The following MVB12B variants were observed in gnomAD, a reference collection of about 807,000 sequenced individuals.
MVB12B encodes multivesicular body subunit 12B, also known as ESCRT-I complex subunit MVB12B.
In MVB12B, 16 loss-of-function variants were observed where a neutral mutation model predicts 41.6. That is an observed-to-expected ratio of 0.38 (90% CI 0.26 to 0.58). The LOEUF (loss-of-function observed/expected upper bound fraction) is 0.58. Ranked by LOEUF, MVB12B falls within the 20% of genes least tolerant of loss-of-function variation. MVB12B has a pLI of 0.62. For missense variants in MVB12B, 274 were observed against 380.2 expected (o/e 0.72, Z 2.32); for synonymous variants, 133 against 139.7 (o/e 0.95, Z 0.34).
intron 7 of MVB12B, among the ~76,000 whole-genome samples, chr9:126,465,417 A>G (rs368898216): frequency 1.9e-4 from 29 of 151,916 alleles, no homozygotes; most frequent in African/African-American, 6.3e-4. Flanking sequence ...GGCAGCAACA[A>G]TCTTTTCAAA....
chr9:126,371,064 T>G (rs1009627753), intron 2 of MVB12B, among the ~76,000 whole-genome samples: 1 of 152,204 alleles, frequency 6.6e-6, no homozygotes, highest in Non-Finnish European at 1.5e-5. Flanking sequence ...CGATCAGGTG[T>G]CTGGGTACTA....
At chr9:126,396,038 A>G in intron 6 of MVB12B, 1 of 1,056,490 alleles carries the variant, frequency 9.5e-7, no homozygotes, top group Non-Finnish European at 1.1e-6. Flanking sequence ...CTTAAGGTCA[A>G]ATTCCTTCTC....
In MVB12B at chr9:126,355,989, T is replaced by A. The variant is rs529271866; in HGVS notation, c.204+15359T>A. 3.3e-5 allele frequency among the ~76,000 whole-genome samples: 5 copies of A among 152,212 alleles called. No individual in the cohort carries two copies. In the East Asian group the frequency reaches 9.6e-4, roughly 29 times the overall value. On this transcript the variant is annotated intron_variant, in intron 2 of 9. Transcript: ENST00000361171. ...CTGGCAACCACCAATCTGTGTTCTG[T>A]TGCTATGGGTTTGCCTATTCTGGAT...
chr9:126,362,429 T>C lies in MVB12B; in HGVS notation c.205-18635T>C, dbSNP rs556097834. On this transcript the variant is annotated intron_variant, in intron 2 of 9. Transcript: ENST00000361171. ...ATAGTAAAATAAAATAATATAAAGA[T>C]AAGGAAAATTTATTTGGGAAAAGGA... Among the ~76,000 whole-genome samples the C allele has an allele frequency of 5.9e-5, 9 of 152,144 alleles. No individual in the cohort carries two copies. In the East Asian group the frequency reaches 1.7e-3, roughly 29 times the overall value.
intron 9 of MVB12B, among the ~76,000 whole-genome samples, chr9:126,502,368 C>T (rs1211602376): frequency 6.6e-6 from 1 of 152,146 alleles, no homozygotes; most frequent in African/African-American, 2.4e-5. Flanking sequence ...AAGTGAACTA[C>T]AGGTGCTCCT....
chr9:126,460,178 ACCT>A (rs1335795871), intron 7 of MVB12B, among the ~76,000 whole-genome samples: 1 of 151,808 alleles, frequency 6.6e-6, no homozygotes, highest in Non-Finnish European at 1.5e-5. Flanking sequence ...TTCTGCTCAG[ACCT>A]CCTCGGCAGG....
rs899082482 is a variant in MVB12B at position 126,348,984 on chromosome 9, T to G, written c.204+8354T>G. Among the ~76,000 whole-genome samples, 8 of 152,210 alleles carry G rather than the reference T, an allele frequency of 5.3e-5. No homozygotes were observed. In the East Asian group the frequency reaches 1.4e-3, roughly 26 times the overall value. ...GAGGAGAGGATTGCCACTGGAAAGA[T>G]TATTACTCGCAGTTCCCAAGAGGAG... On this transcript the variant is annotated intron_variant, in intron 2 of 9. Transcript: ENST00000361171.
chr9:126,421,726 C>A, intron 6 of MVB12B, 128 bp from the exon 7 acceptor site: 1 of 707,424 alleles, frequency 1.4e-6, no homozygotes, highest in Non-Finnish European at 2.6e-6. Context: ...GAGAAGGAGG[C>A]GCTGGCCAGA....
intron 9 of MVB12B, among the ~76,000 whole-genome samples, chr9:126,488,551 A>C (rs10760439): frequency 0.4 from 61,282 of 151,768 alleles, 13,157 homozygotes; most frequent in East Asian, 0.7. Context: ...CCTCTGCACC[A>C]CGTGGGAGGA....
intron 6 of MVB12B, among the ~76,000 whole-genome samples, chr9:126,409,136 A>G (rs1831544136): frequency 6.6e-6 from 1 of 151,918 alleles, no homozygotes; most frequent in African/African-American, 2.4e-5. Flanking sequence ...TCAGTAATGC[A>G]TTTTGAACCC....
intron 7 of MVB12B, among the ~76,000 whole-genome samples, chr9:126,465,682 G>C (rs1325835861): frequency 7.8e-6 from 1 of 128,224 alleles, no homozygotes; most frequent in African/African-American, 2.9e-5. Context: ...GGCGGGGGGT[G>C]GGGGGAGCAC....
chr9:126,464,678 C>G (rs548288775), intron 7 of MVB12B, among the ~76,000 whole-genome samples: 3 of 152,298 alleles, frequency 2.0e-5, no homozygotes, highest in African/African-American at 7.2e-5. Flanking sequence ...CACACCTTCT[C>G]GATTATATTT....
intron 7 of MVB12B, among the ~76,000 whole-genome samples, chr9:126,424,809 C>A (rs1189230099): frequency 6.6e-6 from 1 of 152,252 alleles, no homozygotes; most frequent in African/African-American, 2.4e-5. Context: ...GCCACAAAGC[C>A]AGCATCCATC....
intron 7 of MVB12B, among the ~76,000 whole-genome samples, chr9:126,431,971 A>C (rs1018248682): frequency 2.0e-5 from 3 of 152,208 alleles, no homozygotes; most frequent in African/African-American, 7.2e-5. Flanking sequence ...CCCACCTCCC[A>C]GGACTTAAAG....
At chr9:126,470,646 C>CTGTGTGTG (rs143928729) in intron 7 of MVB12B, among the ~76,000 whole-genome samples, 3,308 of 143,586 alleles carry the variant, frequency 0.023, 78 homozygotes, top group East Asian at 0.092. Flanking sequence ...AGTCAGTGCT[C>CTGTGTGTG]TGTGTGTGTG....
In MVB12B at chr9:126,499,984, A is replaced by C. The variant is rs567516958; in HGVS notation, c.874-3193A>C. Among the ~76,000 whole-genome samples, 8 of 152,084 alleles carry C rather than the reference A, an allele frequency of 5.3e-5. No individual in the cohort carries two copies. The South Asian group carries it at 1.7e-3, about 32-fold the overall frequency. ...GGGACAGCGGCACAGGGTCCCCACGACAGCCCCTCTGCCGAATCAGCCAGT... is the reference window on the plus strand; with the variant it reads ...GGGACAGCGGCACAGGGTCCCCACGCCAGCCCCTCTGCCGAATCAGCCAGT... On this transcript the variant is annotated intron_variant, in intron 9 of 9. Transcript: ENST00000361171.
intron 2 of MVB12B, among the ~76,000 whole-genome samples, chr9:126,363,307 T>C (rs951546883): frequency 1.3e-5 from 2 of 152,256 alleles, no homozygotes; most frequent in Admixed American, 6.5e-5. Context: ...CTTTAGATTA[T>C]GGTTTAGGAT....
intron 6 of MVB12B, among the ~76,000 whole-genome samples, chr9:126,400,058 G>A (rs138576432): frequency 3.4e-3 from 520 of 152,306 alleles, no homozygotes; most frequent in Admixed American, 5.9e-3. Context: ...TGTGCACAGC[G>A]GGAGGCCCTG....
chr9:126,496,967 T>C (rs1295558061), intron 9 of MVB12B, among the ~76,000 whole-genome samples: 1 of 152,096 alleles, frequency 6.6e-6, no homozygotes, highest in Non-Finnish European at 1.5e-5. Flanking sequence ...AGACCCAGGC[T>C]TGGAGGAGAC....
Sources: gnomAD v4.1 joint callset for allele counts (sites outside exome capture counted in the v4.1 genomes callset) on GRCh38, gnomAD v4.1.1 for gene constraint, MANE v1.5 for transcripts, NCBI Gene and HGNC (gene_info 2026-07-23, HGNC 2026-07-21) for gene names.